The following NPAS3 variants were observed in gnomAD, a reference collection of about 807,000 sequenced individuals.
NPAS3 encodes neuronal PAS domain-containing protein 3.
In NPAS3, 14 loss-of-function variants were observed where a neutral mutation model predicts 73.1. The observed-to-expected ratio is 0.19, with a 90% CI of 0.13 to 0.30. NPAS3 has a LOEUF of 0.30. Ranked by LOEUF, NPAS3 falls within the 10% of genes least tolerant of loss-of-function variation. The pLI is 1.00. For missense variants in NPAS3, 1,096 were observed against 1,250.0 expected (o/e 0.88, Z 1.86); for synonymous variants, 620 against 541.5 (o/e 1.14, Z -2.01).
At chr14:33,719,901 G>C (rs1282258782) in intron 6 of NPAS3, among the ~76,000 whole-genome samples, 1 of 152,122 alleles carries the variant, frequency 6.6e-6, no homozygotes, top group African/African-American at 2.4e-5. Flanking sequence ...TGTTGCCTGT[G>C]TTAATTGTCG....
chr14:32,939,280 A>G, upstream of NPAS3: 4 of 562,590 alleles, frequency 7.1e-6, no homozygotes, highest in South Asian at 4.5e-5. Flanking sequence ...GGGGGGAGAG[A>G]GGCAAAAAGT....
intron 4 of NPAS3, among the ~76,000 whole-genome samples, chr14:33,469,585 G>A (rs1422797772): frequency 2.0e-5 from 3 of 152,098 alleles, no homozygotes; most frequent in African/African-American, 7.2e-5. Flanking sequence ...GTGTGTTAAT[G>A]GGAACTAGTT....
chr14:33,382,222 C>A (rs1464724121), intron 4 of NPAS3, among the ~76,000 whole-genome samples: 2 of 151,976 alleles, frequency 1.3e-5, no homozygotes, highest in African/African-American at 4.8e-5. Flanking sequence ...AAAATAACTG[C>A]TTACAATTCA....
At chr14:33,659,975 G>A (rs886463006) in intron 5 of NPAS3, among the ~76,000 whole-genome samples, 2 of 151,974 alleles carry the variant, frequency 1.3e-5, no homozygotes, top group South Asian at 2.1e-4. Flanking sequence ...TCACCCCAGC[G>A]CCCCCCAGGA....
chr14:33,128,342 C>A (rs2043508854), intron 2 of NPAS3, among the ~76,000 whole-genome samples: 1 of 152,064 alleles, frequency 6.6e-6, no homozygotes, highest in Non-Finnish European at 1.5e-5. Flanking sequence ...TTTTCTCAAT[C>A]AACAATATAA....
intron 5 of NPAS3, among the ~76,000 whole-genome samples, chr14:33,566,932 G>A (rs1196927976): frequency 6.6e-6 from 1 of 152,214 alleles, no homozygotes; most frequent in African/African-American, 2.4e-5. Flanking sequence ...CCCAGTGGCA[G>A]CCTCTTTGCA....
In NPAS3 at chr14:33,037,597, T is replaced by C. The variant is rs886078617; in HGVS notation, c.51-18308T>C. Among the ~76,000 whole-genome samples the C allele has an allele frequency of 1.9e-4, 29 of 152,018 alleles. 1 individual carries two copies. The highest frequency in any genetic ancestry group is 7.0e-4 in the African/African-American group (29 of 41,384). On this transcript the variant is annotated intron_variant, in intron 1 of 11. Transcript: ENST00000356141. ...AGGAAGATTGCTTGAGCCCAGGAGG[T>C]TGAGGCTGCAGTGAGCTGTGATCTT... is the stretch of plus-strand genomic sequence containing the variant.
intron 5 of NPAS3, among the ~76,000 whole-genome samples, chr14:33,672,252 AATAG>A (rs1301286141): frequency 8.5e-5 from 13 of 152,216 alleles, no homozygotes; most frequent in Non-Finnish European, 1.5e-4. Context: ...CCTTACTGCA[AATAG>A]ATAGATTATG....
chr14:33,161,802 A>T (rs1733025576), intron 2 of NPAS3, among the ~76,000 whole-genome samples: 1 of 152,240 alleles, frequency 6.6e-6, no homozygotes, highest in South Asian at 2.1e-4. Flanking sequence ...AAATGTTCAT[A>T]AGTACTTTGA....
intron 7 of NPAS3, among the ~76,000 whole-genome samples, chr14:33,739,640 G>A (rs1376986069): frequency 2.6e-5 from 4 of 152,112 alleles, no homozygotes; most frequent in African/African-American, 9.7e-5. Flanking sequence ...TTTATTTGGA[G>A]TATCATAGAG....
chr14:33,532,966 A>G (rs970227810), intron 4 of NPAS3, among the ~76,000 whole-genome samples: 1 of 152,066 alleles, frequency 6.6e-6, no homozygotes, highest in Non-Finnish European at 1.5e-5. Flanking sequence ...ACAAAGGGAG[A>G]GTTGTTTTCA....
chr14:33,667,377 CCTATCAGGTT>C (rs555522907), intron 5 of NPAS3, among the ~76,000 whole-genome samples: 19 of 152,236 alleles, frequency 1.2e-4, no homozygotes, highest in Non-Finnish European at 2.5e-4. Flanking sequence ...AGACATAGAA[CCTATCAGGTT>C]CTCAAAAGGG....
At chr14:33,467,875 A>G (rs1488677125) in intron 4 of NPAS3, among the ~76,000 whole-genome samples, 1 of 152,238 alleles carries the variant, frequency 6.6e-6, no homozygotes, top group African/African-American at 2.4e-5. Context: ...AGATGGTGTG[A>G]TAAATCATCA....
chr14:33,093,374 A>G (rs1166681828), intron 2 of NPAS3, among the ~76,000 whole-genome samples: 2 of 152,230 alleles, frequency 1.3e-5, no homozygotes, highest in African/African-American at 2.4e-5. Context: ...AAAAATGCTC[A>G]TCATCACTGG....
chr14:33,613,945 C>A (rs769541326), intron 5 of NPAS3, among the ~76,000 whole-genome samples: 4 of 152,132 alleles, frequency 2.6e-5, no homozygotes, highest in Non-Finnish European at 5.9e-5. Context: ...CTGTCAGATT[C>A]CAAATTCCTT....
At chr14:33,434,524 CA>C (rs570074526) in intron 4 of NPAS3, among the ~76,000 whole-genome samples, 1,605 of 135,110 alleles carry the variant, frequency 0.012, 15 homozygotes, top group African/African-American at 0.033. Flanking sequence ...GACCCCATCT[CA>C]AAAAAAAAAA....
At chr14:33,057,111 G>C (rs563610145) in intron 2 of NPAS3, among the ~76,000 whole-genome samples, 1 of 152,270 alleles carries the variant, frequency 6.6e-6, no homozygotes, top group Admixed American at 6.5e-5. Context: ...GCTGCTCTCT[G>C]AAATAGACAC....
chr14:33,782,141 A>C (rs577125634), intron 9 of NPAS3, among the ~76,000 whole-genome samples: 1 of 152,290 alleles, frequency 6.6e-6, no homozygotes, highest in South Asian at 2.1e-4. Flanking sequence ...TTCATTTAAA[A>C]CCAATTTCAC....
At chr14:33,754,709 T>C (rs1436269076) in intron 7 of NPAS3, among the ~76,000 whole-genome samples, 2 of 152,134 alleles carry the variant, frequency 1.3e-5, no homozygotes, top group Non-Finnish European at 1.5e-5. Context: ...CAAGAACAAA[T>C]ACCACAAAAT....
Sources: allele counts gnomAD v4.1 joint callset (sites outside exome capture counted in the v4.1 genomes callset), GRCh38; gene constraint gnomAD v4.1.1; transcripts MANE v1.5; gene names NCBI Gene and HGNC (gene_info 2026-07-23, HGNC 2026-07-21).